CNTN5: variants seen among roughly 807,000 people sequenced by gnomAD.
CNTN5 encodes contactin 5, also known as contactin-5.
A neutral mutation model predicts 129.1 loss-of-function variants in CNTN5; 77 were observed. That is an observed-to-expected ratio of 0.60 (90% CI 0.50 to 0.72). CNTN5 has a LOEUF of 0.72. Ranked by LOEUF, CNTN5 falls within the 30% of genes least tolerant of loss-of-function variation. The pLI is 0.00. For synonymous variants in CNTN5, 509 were observed against 465.6 expected, an observed-to-expected ratio of 1.09 and a Z score of -1.20; for missense variants, 1,478 against 1,328.8, an observed-to-expected ratio of 1.11 and a Z score of -1.75.
chr11:99,103,923 A>C (rs1268783282), intron 1 of CNTN5, among the ~76,000 whole-genome samples: 1 of 152,198 alleles, frequency 6.6e-6, no homozygotes, highest in Non-Finnish European at 1.5e-5. Flanking sequence ...TATCATCTTC[A>C]AAACACTGTG....
chr11:99,394,329 A>G (rs1372625235), intron 2 of CNTN5, among the ~76,000 whole-genome samples: 1 of 151,784 alleles, frequency 6.6e-6, no homozygotes, highest in East Asian at 1.9e-4. Context: ...TATTATAAAG[A>G]TTTAATGTAT....
chr11:100,193,408 C>T (rs1948549036), intron 14 of CNTN5, 80 bp from the exon 15 acceptor site: 1 of 918,770 alleles, frequency 1.1e-6, no homozygotes, highest in Admixed American at 3.3e-5. Context: ...TTCTTCTTTT[C>T]TCAATTATTT....
intron 2 of CNTN5, among the ~76,000 whole-genome samples, chr11:99,365,276 A>G (rs1348195160): frequency 6.6e-6 from 1 of 152,194 alleles, no homozygotes; most frequent in Admixed American, 6.6e-5. Flanking sequence ...GTTGAAAAAG[A>G]CATACGCATT....
intron 21 of CNTN5, among the ~76,000 whole-genome samples, chr11:100,315,414 T>A (rs1951556194): frequency 6.6e-6 from 1 of 152,292 alleles, no homozygotes; most frequent in South Asian, 2.1e-4. Context: ...AATAGAATGG[T>A]CATGGCAATT....
rs576801284 is a variant in CNTN5 at position 99,390,469 on chromosome 11, C to G, written c.-71+64985C>G. 5.3e-5 allele frequency among the ~76,000 whole-genome samples: 8 copies of G among 152,162 alleles called. No homozygotes were observed. In the South Asian group the frequency reaches 1.5e-3, roughly 28 times the overall value. On this transcript the variant is annotated intron_variant, in intron 2 of 24. Coordinates refer to ENST00000524871, the MANE Select transcript of CNTN5 (RefSeq NM_014361.4). Reference sequence around the variant, plus strand: ...GATTTTAAAACAAATATATCTTTACCTTATAATAAGTTGATGACATATATA... The same window carrying G: ...GATTTTAAAACAAATATATCTTTACGTTATAATAAGTTGATGACATATATA...
chr11:99,856,623 A>G (rs1948043295), intron 6 of CNTN5, among the ~76,000 whole-genome samples: 1 of 138 alleles, frequency 7.2e-3, no homozygotes, highest in Non-Finnish European at 0.014. Context: ...GGAAGACTAA[A>G]TATTTGAGAA....
In CNTN5 at chr11:99,491,859, T is replaced by C. The variant is rs562713422; in HGVS notation, c.-70-64286T>C. On this transcript the variant is annotated intron_variant, in intron 2 of 24. Transcript: ENST00000524871. ...GCATATTAAAAGATAAAATATTTTG[T>C]AAGTCCTTGGATGGTGGTGCAAGTA... Among the ~76,000 whole-genome samples the C allele has an allele frequency of 8.5e-5, 13 of 152,274 alleles. 1 individual carries two copies. The highest frequency in any genetic ancestry group is 5.2e-4 in the Admixed American group (8 of 15,292).
rs7933006 is a variant in CNTN5, at chr11:99,628,368, T to C, written c.55+72099T>C. Among the ~76,000 whole-genome samples the C allele has an allele frequency of 5.1e-3, 772 of 152,080 alleles. 6 individuals are homozygous for C. The highest frequency in any genetic ancestry group is 0.017 in the African/African-American group (710 of 41,514). ...AAACACCACATCTTTAATGAAAACA[T>C]AACCTCACTTATTTCTGGTACTTGG... On this transcript the variant is annotated intron_variant, in intron 3 of 24. Coordinates refer to ENST00000524871, the MANE Select transcript of CNTN5 (RefSeq NM_014361.4).
At chr11:99,546,589 G>C (rs1476282415) in intron 2 of CNTN5, among the ~76,000 whole-genome samples, 2 of 151,354 alleles carry the variant, frequency 1.3e-5, no homozygotes, top group African/African-American at 2.4e-5. Flanking sequence ...CTCTTCACTT[G>C]ACAGTATATT....
chr11:100,137,307 CAA>C (rs1490423950), intron 13 of CNTN5, among the ~76,000 whole-genome samples: 1 of 151,950 alleles, frequency 6.6e-6, no homozygotes, highest in Non-Finnish European at 1.5e-5. Flanking sequence ...ACCAATAATT[CAA>C]AGAGTTTCAA....
intron 13 of CNTN5, among the ~76,000 whole-genome samples, chr11:100,149,764 G>A (rs573156622): frequency 9.9e-5 from 15 of 151,880 alleles, no homozygotes; most frequent in African/African-American, 1.9e-4. Context: ...GCATGGTGGC[G>A]GGTGCCTGTA....
chr11:100,149,803 A>G (rs1054449240), intron 13 of CNTN5, among the ~76,000 whole-genome samples: 2 of 151,718 alleles, frequency 1.3e-5, no homozygotes, highest in Admixed American at 1.3e-4. Context: ...GCTGAGGCAG[A>G]AGAATGGCGT....
intron 21 of CNTN5, among the ~76,000 whole-genome samples, chr11:100,315,363 G>A (rs1048958675): frequency 6.6e-6 from 1 of 152,166 alleles, no homozygotes; most frequent in Non-Finnish European, 1.5e-5. Context: ...AAATCAAATA[G>A]TGATTGATTT....
intron 1 of CNTN5, among the ~76,000 whole-genome samples, chr11:99,049,284 A>T (rs866880995): frequency 2.4e-4 from 37 of 152,326 alleles, no homozygotes; most frequent in African/African-American, 8.2e-4. Flanking sequence ...ACTTAACTTC[A>T]TTTGCATATT....
chr11:100,191,999 A>AT (rs1413209441), intron 14 of CNTN5, among the ~76,000 whole-genome samples: 1 of 151,938 alleles, frequency 6.6e-6, no homozygotes, highest in Admixed American at 6.6e-5. Flanking sequence ...TAAAAATATT[A>AT]TTTTTTCTGT....
chr11:99,267,918 A>ACG (rs762973737), intron 1 of CNTN5, among the ~76,000 whole-genome samples: 13,876 of 117,096 alleles, frequency 0.12, 692 homozygotes, highest in South Asian at 0.16. Flanking sequence ...ACACACACAC[A>ACG]CGCACACACA....
Position 99,876,696 on chromosome 11 carries a change from C to T in CNTN5, c.577+31434C>T, listed in dbSNP as rs185695549. Among the ~76,000 whole-genome samples the T allele has an allele frequency of 2.2e-3, 342 of 152,262 alleles. 2 individuals carry two copies. Among genetic ancestry groups the T allele is most frequent in the Non-Finnish European group, 1.7e-3 (118 of 68,006 alleles). On this transcript the variant is annotated intron_variant, in intron 6 of 24. Coordinates refer to ENST00000524871, the MANE Select transcript of CNTN5 (RefSeq NM_014361.4). ...TAGCATCATTTTAGAACTTAGCAAA[C>T]TTTCTTACATGTATTATGTCAATGC...
intron 3 of CNTN5, among the ~76,000 whole-genome samples, chr11:99,731,517 G>A (rs1943533884): frequency 6.6e-6 from 1 of 152,090 alleles, no homozygotes; most frequent in African/African-American, 2.4e-5. Flanking sequence ...CTTAAATTAA[G>A]CCCTTATTTA....
chr11:100,040,388 T>A (rs1942302221), intron 9 of CNTN5, among the ~76,000 whole-genome samples: 1 of 152,126 alleles, frequency 6.6e-6, no homozygotes, highest in Non-Finnish European at 1.5e-5. Flanking sequence ...TACTTGGGGG[T>A]GCCTCCCAGT....
Sources: allele counts gnomAD v4.1 joint callset (sites outside exome capture counted in the v4.1 genomes callset), GRCh38; gene constraint gnomAD v4.1.1; transcripts MANE v1.5; gene names NCBI Gene and HGNC (gene_info 2026-07-23, HGNC 2026-07-21).